ADGRG4: variants seen among roughly 807,000 people sequenced by gnomAD.
ADGRG4 encodes the protein adhesion G protein-coupled receptor G4, also known as G protein-coupled receptor 112.
A neutral mutation model predicts 126.2 loss-of-function variants in ADGRG4; 122 were observed. That is an observed-to-expected ratio of 0.97 (90% CI 0.83 to 1.12). ADGRG4 has a LOEUF of 1.12. ADGRG4 is among the 50% of genes most tolerant of loss of function. ADGRG4 has a pLI of 0.00. For synonymous variants in ADGRG4, 943 were observed against 838.7 expected (o/e 1.12, Z -2.15); for missense variants, 2,481 against 2,251.8 (o/e 1.10, Z -2.06).
chrX:136,385,217 T>G (rs1432740628), intron 15 of ADGRG4, among the ~76,000 whole-genome samples: 1 of 111,550 alleles, frequency 9.0e-6, no homozygotes, highest in Non-Finnish European at 1.9e-5. Flanking sequence ...CCTGTGCAAT[T>G]TTTTAAATTG....
chrX:136,382,744 T>G (rs771432062), intron 15 of ADGRG4, among the ~76,000 whole-genome samples: 227 of 111,524 alleles, frequency 2.0e-3, no homozygotes, highest in Non-Finnish European at 3.2e-3. Context: ...ATAGTCCGGA[T>G]CAATCACCCC....
At chrX:136,315,726 T>A (rs1419686832) in intron 4 of ADGRG4, among the ~76,000 whole-genome samples, 1 of 111,736 alleles carries the variant, frequency 8.9e-6, no homozygotes, top group East Asian at 2.8e-4. Flanking sequence ...GAAAATATAA[T>A]TAGTTAAGAT....
At chrX:136,325,886 T>C (rs746473716) in intron 5 of ADGRG4, among the ~76,000 whole-genome samples, 194 of 110,611 alleles carry the variant, frequency 1.8e-3, no homozygotes, top group African/African-American at 5.9e-3. Flanking sequence ...AATTTTTGTA[T>C]TTTTAGTAGA....
chrX:136,380,382 A>T (rs1038418575), intron 15 of ADGRG4, among the ~76,000 whole-genome samples: 7 of 109,920 alleles, frequency 6.4e-5, no homozygotes, highest in South Asian at 3.9e-4. Context: ...CATTTTGTTG[A>T]TCCTTTTAAA....
intron 7 of ADGRG4, among the ~76,000 whole-genome samples, chrX:136,351,774 G>A (rs1227741703): frequency 9.1e-6 from 1 of 109,431 alleles, no homozygotes. Context: ...TTTATGGAAC[G>A]TTATTATTTT....
At chrX:136,413,161 A>G (rs770788473) in intron 24 of ADGRG4, among the ~76,000 whole-genome samples, 2 of 108,481 alleles carry the variant, frequency 1.8e-5, no homozygotes, top group African/African-American at 6.7e-5. Flanking sequence ...ATATGTATAC[A>G]TGTGCCATGC....
chrX:136,331,847 G>A (rs950841289), intron 5 of ADGRG4, among the ~76,000 whole-genome samples: 15 of 100,960 alleles, frequency 1.5e-4, no homozygotes, highest in Admixed American at 4.3e-4. Context: ...GGCGGAGTCC[G>A]GCTCTGTCAC....
chrX:136,346,587 A>G lies in ADGRG4; in HGVS notation c.2881A>G (p.Ile961Val). The G allele has an allele frequency of 1.7e-6, 2 of 1,210,097 alleles. No individual in the cohort carries two copies. Among genetic ancestry groups the G allele is most frequent in the Non-Finnish European group, 2.2e-6 (2 of 894,505 alleles). The change falls in exon 6 of 26, where the codon ATA becomes GTA. Residue 961 changes from isoleucine to valine, a missense_variant. Transcript: ENST00000394143. Reference sequence around the variant, plus strand: ...ATCTCCCACTTCTGGGAGCACACATATATTCGGTGAACCCCTGGGTGCTTC... The same window carrying G: ...ATCTCCCACTTCTGGGAGCACACATGTATTCGGTGAACCCCTGGGTGCTTC... Reference protein sequence around the residue: ...AGSPTSGSTHIFGEPLGASTT... With the variant: ...AGSPTSGSTHVFGEPLGASTT...
At chrX:136,359,507 T>G in intron 11 of ADGRG4, 52 bp downstream of exon 11, 1 of 897,709 alleles carries the variant, frequency 1.1e-6, no homozygotes, top group Non-Finnish European at 1.6e-6. Context: ...TCCTTTATTA[T>G]AAAACTCATA....
At chrX:136,333,312 C>T (rs185009419) in intron 5 of ADGRG4, among the ~76,000 whole-genome samples, 18 of 110,853 alleles carry the variant, frequency 1.6e-4, no homozygotes, top group South Asian at 1.2e-3. Context: ...TTAGTAGAGA[C>T]GGGGTTTCAC....
intron 4 of ADGRG4, among the ~76,000 whole-genome samples, chrX:136,313,164 A>C (rs1231275367): frequency 8.9e-6 from 1 of 112,320 alleles, no homozygotes; most frequent in Non-Finnish European, 1.9e-5. Flanking sequence ...TCTTTTGTGA[A>C]TATACCTAGG....
rs754185674 is a variant in ADGRG4 at position 136,356,454 on chromosome X, C to A, written c.6927+289C>A. Among the ~76,000 whole-genome samples, 7 of 111,676 alleles carry A rather than the reference C, an allele frequency of 6.3e-5. No homozygotes were observed. In the East Asian group the frequency reaches 1.7e-3, roughly 27 times the overall value. On this transcript the variant is annotated intron_variant, in intron 9 of 25. Transcript: ENST00000394143. ...GTTATAGATGTCTTGCAAAAAAAAC[C>A]TAGCTCTTCCAAGAGTGACACAATT...
chrX:136,415,266 G>A (rs753454312), intron 25 of ADGRG4, among the ~76,000 whole-genome samples: 1 of 111,746 alleles, frequency 8.9e-6, no homozygotes, highest in Non-Finnish European at 1.9e-5. Context: ...ATGTCCAAGG[G>A]CTGAAGGCAA....
At position 136,405,789 on chromosome X, in the gene ADGRG4, GTTCAACTGAATTC is replaced by G; in HGVS notation, c.8754_8766del (p.Gln2919Ter). 1 of 1,210,015 alleles carries G rather than the reference GTTCAACTGAATTC, an allele frequency of 8.3e-7. No homozygotes were observed. Among genetic ancestry groups the G allele is most frequent in the Non-Finnish European group, 1.1e-6 (1 of 894,408 alleles). The stretch of plus-strand genomic sequence containing the variant: ...TCTCTCCATGTTCTGCACTGTTCTT[GTTCAACTGAATTC>G]TGTGAAATCCCAAATCCAGAAGACT... On this transcript the variant is annotated frameshift_variant, in exon 23 of 26. Coordinates refer to ENST00000394143, the MANE Select transcript of ADGRG4 (RefSeq NM_153834.4). LOFTEE classifies it high-confidence loss of function.
At chrX:136,351,054 C>T (rs1185614457) in intron 6 of ADGRG4, among the ~76,000 whole-genome samples, 4 of 111,237 alleles carry the variant, frequency 3.6e-5, no homozygotes, top group African/African-American at 1.3e-4. Context: ...AGAGAAAAAC[C>T]CAAAGCAGAA....
intron 19 of ADGRG4, 109 bp from the exon 20 acceptor site, chrX:136,397,772 G>T: frequency 1.3e-6 from 1 of 744,508 alleles, no homozygotes; most frequent in South Asian, 2.7e-5. Flanking sequence ...GAAGAGCTAT[G>T]GCAGAAATGT....
Position 136,414,343 on chromosome X carries a change from T to C in ADGRG4, c.9205+16T>C. 1 of 1,152,033 alleles carries C rather than the reference T, an allele frequency of 8.7e-7. No individual in the cohort carries two copies. Among genetic ancestry groups the C allele is most frequent in the Non-Finnish European group, 1.2e-6 (1 of 852,203 alleles). 94.9% of individuals were successfully genotyped at this position (1,152,033 alleles called of 1,213,427 possible). A position where few individuals can be genotyped will look rare whatever the true frequency, so the allele number is the denominator to read the frequency against. On this transcript the variant is annotated intron_variant, in intron 25 of 25. Coordinates refer to ENST00000394143, the MANE Select transcript of ADGRG4 (RefSeq NM_153834.4). ...TTTCCAAATGGTAAGAAAAAAAGGC[T>C]GTGTTGTCTACATTTATATTCCAGA...
intron 13 of ADGRG4, among the ~76,000 whole-genome samples, chrX:136,364,435 T>C (rs2075146562): frequency 8.9e-6 from 1 of 112,216 alleles, no homozygotes; most frequent in Admixed American, 9.5e-5. Context: ...TTGCAGAGAT[T>C]ATTATATCAG....
intron 15 of ADGRG4, among the ~76,000 whole-genome samples, chrX:136,373,272 A>G (rs2075205755): frequency 8.9e-6 from 1 of 112,016 alleles, no homozygotes; most frequent in South Asian, 3.8e-4. Context: ...CAATGATACC[A>G]CCTTTGGCCC....
Sources: gnomAD v4.1 joint callset for allele counts (sites outside exome capture counted in the v4.1 genomes callset) on GRCh38, gnomAD v4.1.1 for gene constraint, MANE v1.5 for transcripts, NCBI Gene and HGNC (gene_info 2026-07-23, HGNC 2026-07-21) for gene names.